The following ROR1 variants were observed in gnomAD, a reference collection of about 807,000 sequenced individuals.
ROR1 encodes the protein ROR family WNT receptor 1, also known as inactive tyrosine-protein kinase transmembrane receptor ROR1.
A neutral mutation model predicts 78.8 loss-of-function variants in ROR1; 19 were observed. That is an observed-to-expected ratio of 0.24 (90% CI 0.17 to 0.35). ROR1 has a LOEUF of 0.35. Among genes scored for constraint, ROR1 ranks in the 10% least tolerant of loss-of-function variants. The pLI is 1.00. For missense variants in ROR1, 917 were observed against 1,177.8 expected (o/e 0.78, Z 3.24); for synonymous variants, 386 against 433.6 (o/e 0.89, Z 1.36).
At chr1:64,046,889 A>G (rs1646789288) in intron 2 of ROR1, among the ~76,000 whole-genome samples, 1 of 152,250 alleles carries the variant, frequency 6.6e-6, no homozygotes, top group African/African-American at 2.4e-5. Context: ...TCCTCATTGT[A>G]AAACAGTGAT....
intron 1 of ROR1, among the ~76,000 whole-genome samples, chr1:63,995,953 T>C (rs1646333805): frequency 6.6e-6 from 1 of 152,116 alleles, no homozygotes; most frequent in African/African-American, 2.4e-5. Context: ...CAAAAAGATG[T>C]GGATACAGGG....
chr1:63,930,535 C>G (rs1645743227), intron 1 of ROR1, among the ~76,000 whole-genome samples: 1 of 152,180 alleles, frequency 6.6e-6, no homozygotes, highest in African/African-American at 2.4e-5. Flanking sequence ...GGCCAGTCTT[C>G]CAGCTGCATC....
intron 7 of ROR1, among the ~76,000 whole-genome samples, chr1:64,144,643 C>G (rs998878935): frequency 6.6e-6 from 1 of 152,146 alleles, no homozygotes; most frequent in African/African-American, 2.4e-5. Context: ...AAAACTGACA[C>G]TCAGTAAGAA....
At chr1:63,886,782 C>T (rs1047512277) in intron 1 of ROR1, among the ~76,000 whole-genome samples, 1 of 152,128 alleles carries the variant, frequency 6.6e-6, no homozygotes, top group Non-Finnish European at 1.5e-5. Flanking sequence ...CATACTCGAC[C>T]ACCCACCTCC....
At chr1:63,979,259 G>A (rs188221577) in intron 1 of ROR1, among the ~76,000 whole-genome samples, 35 of 152,182 alleles carry the variant, frequency 2.3e-4, no homozygotes, top group Admixed American at 1.9e-3. Context: ...CTGCTGACTC[G>A]GGGGTACTGT....
intron 4 of ROR1, among the ~76,000 whole-genome samples, chr1:64,051,434 A>G (rs1405000460): frequency 6.8e-6 from 1 of 148,072 alleles, no homozygotes; most frequent in Non-Finnish European, 1.5e-5. Flanking sequence ...TGGGCAGCAG[A>G]GTGAGACTCC....
intron 2 of ROR1, among the ~76,000 whole-genome samples, chr1:64,012,152 T>G (rs1431799755): frequency 6.6e-6 from 1 of 152,190 alleles, no homozygotes; most frequent in Admixed American, 6.5e-5. Flanking sequence ...TCCATGATAA[T>G]TTGAAAACTA....
chr1:64,177,682 T>C lies in ROR1; in HGVS notation c.1641T>C (p.Pro547=). The change falls in exon 9 of 9, where the codon CCT becomes CCC. Residue 547 remains proline (P), a synonymous_variant. Transcript: ENST00000371079. ...CLLGAVTQEQ[P]VCMLFEYINQ... is the part of the protein sequence containing the mutation. ...TAGGTGCCGTCACTCAGGAACAACC[T>C]GTGTGCATGCTTTTTGAGTATATTA... 6.2e-7 allele frequency: 1 copy of C among 1,614,190 alleles called. No individual in the cohort carries two copies. The highest frequency in any genetic ancestry group is 8.5e-7 in the Non-Finnish European group (1 of 1,180,020).
At chr1:63,884,803 C>T (rs1481179315) in intron 1 of ROR1, among the ~76,000 whole-genome samples, 6 of 150,122 alleles carry the variant, frequency 4.0e-5, no homozygotes, top group Non-Finnish European at 7.4e-5. Context: ...TTCCCTTCTC[C>T]GGGAAAAGTG....
Position 64,049,796 on chromosome 1 carries a change from G to C in ROR1, c.269G>C (p.Arg90Pro), listed in dbSNP as rs139072514. The change falls in exon 3 of 9, where the codon CGC becomes CCC. Residue 90 changes from arginine to proline, a missense_variant. By Grantham distance (103) the Arg-to-Pro change is moderately radical. Around this residue, in one of 3 missense-constraint regions of ROR1, gnomAD observed 835 missense variants for 1,069.8 expected, o/e 0.78. Transcript: ENST00000371079. ...KVSGNPPPTIRWFKNDAPVVQ... is the reference protein window; with the variant it reads ...KVSGNPPPTIPWFKNDAPVVQ... ...TCTGGGAATCCACCTCCCACCATCC[G>C]CTGGTTCAAAAATGATGCTCCTGTG... The C allele has an allele frequency of 6.2e-7, 1 of 1,614,168 alleles. No homozygotes were observed. The highest frequency in any genetic ancestry group is 8.5e-7 in the Non-Finnish European group (1 of 1,180,034).
chr1:63,888,813 GC>G (rs1417762426), intron 1 of ROR1, among the ~76,000 whole-genome samples: 2 of 152,030 alleles, frequency 1.3e-5, no homozygotes, highest in Non-Finnish European at 2.9e-5. Context: ...CCAAGCATAT[GC>G]TCAGCATTTG....
intron 1 of ROR1, among the ~76,000 whole-genome samples, chr1:63,859,545 C>T (rs560927044): frequency 6.6e-6 from 1 of 152,280 alleles, no homozygotes; most frequent in South Asian, 2.1e-4. Context: ...CAAATGTCCC[C>T]CCTGTAGGCT....
intron 4 of ROR1, among the ~76,000 whole-genome samples, chr1:64,095,594 T>A (rs12094944): frequency 0.29 from 43,559 of 152,050 alleles, 7,061 homozygotes; most frequent in African/African-American, 0.44. Flanking sequence ...AGGTGGTAGT[T>A]ACAGAGCTGT....
At chr1:63,951,417 A>T (rs182994264) in intron 1 of ROR1, among the ~76,000 whole-genome samples, 13 of 152,324 alleles carry the variant, frequency 8.5e-5, no homozygotes, top group Non-Finnish European at 1.3e-4. Flanking sequence ...AATACAGATC[A>T]TGTCAGTCAA....
chr1:63,819,528 G>A (rs1644912113), intron 1 of ROR1, among the ~76,000 whole-genome samples: 2 of 152,216 alleles, frequency 1.3e-5, no homozygotes, highest in Admixed American at 1.3e-4. Context: ...AAAAAGGTAT[G>A]GATAGAGTTC....
chr1:63,940,733 A>G (rs1302911814), intron 1 of ROR1, among the ~76,000 whole-genome samples: 2 of 152,202 alleles, frequency 1.3e-5, no homozygotes, highest in East Asian at 1.9e-4. Context: ...GGATATTTGT[A>G]TGGGTTTAAA....
At chr1:63,866,248 T>C (rs1213878972) in intron 1 of ROR1, among the ~76,000 whole-genome samples, 2 of 151,762 alleles carry the variant, frequency 1.3e-5, no homozygotes, top group East Asian at 3.9e-4. Context: ...TCTAAGTAAA[T>C]TTGGTGTACT....
At chr1:64,014,771 T>TACACAC (rs1220667051) in intron 2 of ROR1, among the ~76,000 whole-genome samples, 2 of 39,718 alleles carry the variant, frequency 5.0e-5, no homozygotes, top group Non-Finnish European at 1.3e-4. Context: ...TATATATATA[T>TACACAC]ATACACATTT....
At chr1:63,940,486 T>C (rs763125750) in intron 1 of ROR1, among the ~76,000 whole-genome samples, 2 of 96,972 alleles carry the variant, frequency 2.1e-5, no homozygotes, top group Non-Finnish European at 4.7e-5. Flanking sequence ...GATAGACAGA[T>C]AGATAGACAG....
Sources: allele counts gnomAD v4.1 joint callset (sites outside exome capture counted in the v4.1 genomes callset), GRCh38; gene constraint gnomAD v4.1.1; regional missense constraint gnomAD v4.1.1; transcripts MANE v1.5; gene names NCBI Gene and HGNC (gene_info 2026-07-23, HGNC 2026-07-21).